Variants in SGPP2 observed in about 807,000 individuals in gnomAD.
SGPP2 encodes sphingosine-1-phosphate phosphatase 2, also known as sphingosine 1-phosphate phosphohydrolase 2.
A neutral mutation model predicts 33.9 loss-of-function variants in SGPP2; 30 were observed. The observed-to-expected ratio is 0.89, with a 90% CI of 0.66 to 1.20. SGPP2 has a LOEUF of 1.20. SGPP2 is among the 50% of genes most tolerant of loss of function. The pLI is 0.00. For synonymous variants in SGPP2, 233 were observed against 225.0 expected, an observed-to-expected ratio of 1.04 and a Z score of -0.32; for missense variants, 458 against 532.1, an observed-to-expected ratio of 0.86 and a Z score of 1.37.
At chr2:222,435,020 A>G (rs1697215609) in intron 1 of SGPP2, among the ~76,000 whole-genome samples, 1 of 151,014 alleles carries the variant, frequency 6.6e-6, no homozygotes, top group Admixed American at 6.6e-5. Context: ...ACATATGTGT[A>G]TATGTGTGTA....
chr2:222,531,988 C>T (rs1293021257), intron 4 of SGPP2, among the ~76,000 whole-genome samples: 4 of 152,052 alleles, frequency 2.6e-5, no homozygotes, highest in African/African-American at 7.2e-5. Context: ...ATGGCTCTCT[C>T]TAGGCTAGGC....
chr2:222,450,841 A>G (rs1329156823), intron 1 of SGPP2, among the ~76,000 whole-genome samples: 1 of 152,306 alleles, frequency 6.6e-6, no homozygotes, highest in East Asian at 1.9e-4. Context: ...TTTCCCATGC[A>G]TCCTAGAACT....
chr2:222,505,458 A>G (rs1232527395), intron 2 of SGPP2, among the ~76,000 whole-genome samples: 1 of 152,238 alleles, frequency 6.6e-6, no homozygotes, highest in Non-Finnish European at 1.5e-5. Context: ...AAAAATAAAT[A>G]TATTGAAAAC....
intron 1 of SGPP2, chr2:222,452,724 A>G: frequency 7.1e-7 from 1 of 1,398,768 alleles, no homozygotes; most frequent in South Asian, 1.2e-5. Context: ...GTTGCTCCAC[A>G]TTGGAAGGTT....
chr2:222,467,964 A>AC (rs1697773830), intron 1 of SGPP2, among the ~76,000 whole-genome samples: 15 of 116,878 alleles, frequency 1.3e-4, no homozygotes, highest in African/African-American at 8.4e-4. Flanking sequence ...AAAAAAAAAA[A>AC]AAAAAAAAAA....
At chr2:222,451,984 G>A (rs1697496956) in intron 1 of SGPP2, among the ~76,000 whole-genome samples, 1 of 152,012 alleles carries the variant, frequency 6.6e-6, no homozygotes, top group African/African-American at 2.4e-5. Context: ...GTTGACTCTT[G>A]AGCAACATGG....
At chr2:222,435,049 T>TATATATATGTGTATATATAC (rs1697218839) in intron 1 of SGPP2, among the ~76,000 whole-genome samples, 1 of 19,260 alleles carries the variant, frequency 5.2e-5, no homozygotes, top group Non-Finnish European at 1.3e-4. Flanking sequence ...TGTATATATA[T>TATATATATGTGTATATATAC]ACACACATAT....
intron 1 of SGPP2, among the ~76,000 whole-genome samples, chr2:222,459,586 G>C (rs1418860383): frequency 6.6e-6 from 1 of 152,076 alleles, no homozygotes; most frequent in Admixed American, 6.6e-5. Flanking sequence ...CATGAGGGGA[G>C]TGGTGTGTAT....
chr2:222,434,279 A>G (rs545720343), intron 1 of SGPP2, among the ~76,000 whole-genome samples: 156 of 152,322 alleles, frequency 1.0e-3, no homozygotes, highest in Non-Finnish European at 1.9e-3. Context: ...TTTTTGATTA[A>G]TTAATTTTTA....
In SGPP2 at chr2:222,456,974, T is replaced by C. The variant is rs79374707; in HGVS notation, c.220-17594T>C. Among the ~76,000 whole-genome samples, 179 of 152,178 alleles carry C rather than the reference T, an allele frequency of 1.2e-3. 1 individual carries two copies. Among genetic ancestry groups the C allele is most frequent in the African/African-American group, 4.2e-3 (174 of 41,516 alleles). On this transcript the variant is annotated intron_variant, in intron 1 of 4. Transcript: ENST00000321276. The stretch of plus-strand genomic sequence containing the variant: ...CGCCATGAAAGACTCTAAACTCTCA[T>C]GGTTAAACTCATTAAGCCCTACCCT...
At chr2:222,499,204 G>A (rs1032312859) in intron 2 of SGPP2, among the ~76,000 whole-genome samples, 5 of 152,216 alleles carry the variant, frequency 3.3e-5, no homozygotes, top group South Asian at 2.1e-4. Flanking sequence ...TGTTTGCCCC[G>A]AAGGCAGATT....
rs545859644 is a variant in SGPP2, at chr2:222,524,008, A to G, written c.559-936A>G. 7.2e-5 allele frequency among the ~76,000 whole-genome samples: 11 copies of G among 152,318 alleles called. No homozygotes were observed. In the East Asian group the frequency reaches 2.1e-3, roughly 29 times the overall value. Reference sequence around the variant, plus strand: ...TGGCCTTCAGTTCTGACTCTCACTTACCAGCTGTGTGACCTCAGGCAGATC... The same window carrying G: ...TGGCCTTCAGTTCTGACTCTCACTTGCCAGCTGTGTGACCTCAGGCAGATC... On this transcript the variant is annotated intron_variant, in intron 3 of 4. Coordinates refer to ENST00000321276, the MANE Select transcript of SGPP2 (RefSeq NM_152386.4).
intron 1 of SGPP2, among the ~76,000 whole-genome samples, chr2:222,435,994 C>T (rs1697234006): frequency 6.6e-6 from 1 of 152,152 alleles, no homozygotes; most frequent in African/African-American, 2.4e-5. Flanking sequence ...TCCCATTGAC[C>T]TTAATCACAG....
intron 2 of SGPP2, among the ~76,000 whole-genome samples, chr2:222,497,438 C>T (rs1169422596): frequency 6.6e-6 from 1 of 151,620 alleles, no homozygotes; most frequent in Admixed American, 6.6e-5. Context: ...GTAGAGATAG[C>T]GTTTCACCAT....
chr2:222,530,475 G>T (rs1574880756), intron 4 of SGPP2, among the ~76,000 whole-genome samples: 1 of 152,228 alleles, frequency 6.6e-6, no homozygotes, highest in East Asian at 1.9e-4. Context: ...AGAACTTGCT[G>T]CTTTACCTTG....
chr2:222,561,514 T>G lies in SGPP2; in HGVS notation c.*2616T>G, dbSNP rs1689538682. ...AGAGTGGGTGCTGGCCTCTCATATA[T>G]ATGATATATATATATCATTTTATAT... On this transcript the variant is annotated 3_prime_UTR_variant, in exon 5 of 5. Coordinates refer to ENST00000321276, the MANE Select transcript of SGPP2 (RefSeq NM_152386.4). 8.4e-6 allele frequency among the ~76,000 whole-genome samples: 1 copy of G among 119,052 alleles called. No homozygotes were observed. The highest frequency in any genetic ancestry group is 2.7e-5 in the African/African-American group (1 of 36,548). 78.1% of individuals were successfully genotyped at this position (119,052 alleles called of 152,430 possible).
intron 4 of SGPP2, among the ~76,000 whole-genome samples, chr2:222,557,363 T>A (rs1689429440): frequency 6.6e-6 from 1 of 152,238 alleles, no homozygotes; most frequent in Admixed American, 6.5e-5. Context: ...CTGTGAAACT[T>A]GCTGTTGCCT....
chr2:222,490,280 CAG>C (rs528685569), intron 2 of SGPP2, among the ~76,000 whole-genome samples: 66 of 152,214 alleles, frequency 4.3e-4, no homozygotes, highest in African/African-American at 1.5e-3. Flanking sequence ...GTAAGTGGAA[CAG>C]GGGTTTTCTG....
At chr2:222,470,840 T>C (rs997138075) in intron 1 of SGPP2, among the ~76,000 whole-genome samples, 3 of 152,168 alleles carry the variant, frequency 2.0e-5, no homozygotes, top group African/African-American at 7.2e-5. Context: ...CTTTATAGGG[T>C]GTGCCTCAAG....
Sources: allele counts gnomAD v4.1 joint callset (sites outside exome capture counted in the v4.1 genomes callset), GRCh38; gene constraint gnomAD v4.1.1; transcripts MANE v1.5; gene names NCBI Gene and HGNC (gene_info 2026-07-23, HGNC 2026-07-21).